FAM184A: variants seen among roughly 807,000 people sequenced by gnomAD.
The protein encoded by FAM184A is protein FAM184A.
FAM184A carries 99 observed loss-of-function variants against 143.8 expected under a neutral mutation model. The observed-to-expected ratio is 0.69, with a 90% CI of 0.58 to 0.81. The LOEUF (loss-of-function observed/expected upper bound fraction) is 0.81. FAM184A is among the 40% of genes least tolerant of loss of function. The probability of loss-of-function intolerance (pLI) is 0.00; values close to 1 mark genes in which losing one functional copy is unlikely to be tolerated. For missense variants in FAM184A, 1,217 were observed against 1,310.5 expected (o/e 0.93, Z 1.10); for synonymous variants, 427 against 446.4 (o/e 0.96, Z 0.55).
At chr6:119,083,033 A>G (rs574538796), upstream of FAM184A, among the ~76,000 whole-genome samples, 4 of 152,366 alleles carry the variant, frequency 2.6e-5, no homozygotes, top group East Asian at 1.9e-4. Context: ...TCAAACGTCA[A>G]TTCTTAACTT....
chr6:118,989,241 C>T (rs1332697068), intron 9 of FAM184A, among the ~76,000 whole-genome samples: 3 of 151,524 alleles, frequency 2.0e-5, no homozygotes, highest in South Asian at 2.1e-4. Flanking sequence ...GGATTACAGG[C>T]GTGAGCCACC....
chr6:118,964,516 T>C (rs183832304), intron 16 of FAM184A, 151 bp downstream of exon 16: 3 of 452,510 alleles, frequency 6.6e-6, no homozygotes, highest in African/African-American at 4.0e-5. Context: ...AATGAACATA[T>C]AAATAATTCA....
chr6:119,012,681 G>A (rs1288346677), intron 5 of FAM184A, among the ~76,000 whole-genome samples: 1 of 152,206 alleles, frequency 6.6e-6, no homozygotes, highest in Non-Finnish European at 1.5e-5. Flanking sequence ...ATTCCCAGAA[G>A]GAAAGCAGGT....
chr6:119,078,186 C>A lies in FAM184A; in HGVS notation c.114G>T (p.Gln38His). The A allele has an allele frequency of 5.0e-6, 8 of 1,590,120 alleles. No homozygotes were observed. Among genetic ancestry groups the A allele is most frequent in the Non-Finnish European group, 6.0e-6 (7 of 1,170,358 alleles). The change falls in exon 1 of 18, where the codon CAG (glutamine) becomes CAT (histidine). Residue 38 changes from glutamine to histidine, a missense_variant. Physicochemically the swap from Gln to His is conservative, Grantham distance 24. Coordinates refer to ENST00000338891, the MANE Select transcript of FAM184A (RefSeq NM_024581.6). This position sits in a 1 kb window ranked among gnomAD's most constrained non-coding sequence, Gnocchi z 5.5. ...TCTTGCTCATTTTCAGGTGCATCTC[C>A]TGGCTGTAGTCCATGCTGTGCCCAG... is the stretch of plus-strand genomic sequence containing the variant. ...QLAGHSMDYS[Q>H]EMHLKMSKKI...
At chr6:119,090,745 A>T (rs1788343174) in intron 1 of FAM184A, among the ~76,000 whole-genome samples, 1 of 151,910 alleles carries the variant, frequency 6.6e-6, no homozygotes, top group Admixed American at 6.6e-5. Flanking sequence ...CCCATTCCAG[A>T]TTTTTTTTAC....
intron 3 of FAM184A, 97 bp downstream of exon 3, chr6:119,022,848 G>T: frequency 6.8e-7 from 1 of 1,469,244 alleles, no homozygotes; most frequent in Non-Finnish European, 9.3e-7. Context: ...CTGCACTCCC[G>T]TCTGGGCGAC....
At chr6:119,073,304 T>C (rs893145831) in intron 1 of FAM184A, among the ~76,000 whole-genome samples, 8 of 152,206 alleles carry the variant, frequency 5.3e-5, no homozygotes, top group African/African-American at 1.9e-4. Flanking sequence ...GAACTTACAC[T>C]GTACCATATA....
At chr6:119,004,412 A>C (rs1343326076) in intron 7 of FAM184A, among the ~76,000 whole-genome samples, 2 of 152,258 alleles carry the variant, frequency 1.3e-5, no homozygotes, top group Admixed American at 6.5e-5. Context: ...AAAACAAGCC[A>C]ATGTTGAAAT....
chr6:118,982,380 T>C (rs1355813123), intron 9 of FAM184A, among the ~76,000 whole-genome samples: 1 of 152,202 alleles, frequency 6.6e-6, no homozygotes, highest in African/African-American at 2.4e-5. Flanking sequence ...ACTGCCTTTT[T>C]TGTTTCTGAG....
intron 5 of FAM184A, among the ~76,000 whole-genome samples, chr6:119,016,050 T>C (rs9387626): frequency 0.36 from 54,374 of 151,516 alleles, 10,479 homozygotes; most frequent in East Asian, 0.68. Context: ...AGTGCACCAA[T>C]TGACACTCTG....
intron 1 of FAM184A, among the ~76,000 whole-genome samples, chr6:119,050,461 T>A (rs1327900894): frequency 1.3e-4 from 19 of 151,242 alleles, no homozygotes; most frequent in Admixed American, 4.6e-4. Flanking sequence ...GGTTTTTTTT[T>A]TAAAAAAAGG....
chr6:119,030,702 G>A (rs923325031), intron 1 of FAM184A, among the ~76,000 whole-genome samples: 3 of 151,724 alleles, frequency 2.0e-5, no homozygotes, highest in Admixed American at 6.6e-5. Context: ...GAGAGGGTGA[G>A]ACTAATTTTA....
intron 1 of FAM184A, among the ~76,000 whole-genome samples, chr6:119,041,544 A>G (rs1427205487): frequency 6.6e-6 from 1 of 152,144 alleles, no homozygotes; most frequent in Non-Finnish European, 1.5e-5. Context: ...GGCAACCGCT[A>G]CCCTCTTTGG....
chr6:119,107,984 T>G (rs910539975), intron 1 of FAM184A, among the ~76,000 whole-genome samples: 1 of 152,144 alleles, frequency 6.6e-6, no homozygotes, highest in Non-Finnish European at 1.5e-5. Context: ...TGAATTGGAA[T>G]AAAAGGTTAA....
At position 119,024,817 on chromosome 6, in the gene FAM184A, C is replaced by T. The variant is rs976502057; in HGVS notation, c.160-4G>A. On this transcript the variant is annotated splice_region_variant and splice_polypyrimidine_tract_variant and intron_variant, in intron 1 of 17. Coordinates refer to ENST00000338891, the MANE Select transcript of FAM184A (RefSeq NM_024581.6). Reference sequence around the variant, plus strand: ...TAGTGTTTAAAGCATATATTACCTGCATGGTTTTGAATAAGAAGGGAGAAG... The same window carrying T: ...TAGTGTTTAAAGCATATATTACCTGTATGGTTTTGAATAAGAAGGGAGAAG... 6.3e-7 allele frequency: 1 copy of T among 1,577,850 alleles called. No homozygotes were observed. The highest frequency in any genetic ancestry group is 1.2e-5 in the South Asian group (1 of 84,574).
At chr6:119,147,404 A>C in intron 1 of FAM184A, among the ~76,000 whole-genome samples, 1 of 151,464 alleles carries the variant, frequency 6.6e-6, no homozygotes, top group African/African-American at 2.4e-5. Context: ...GCCAATTCCA[A>C]CTCCTCATTG....
Position 119,024,688 on chromosome 6 carries a change from T to C in FAM184A, c.285A>G (p.Lys95=). The C allele has an allele frequency of 2.5e-6, 4 of 1,614,096 alleles. No homozygotes were observed. The highest frequency in any genetic ancestry group is 3.4e-6 in the Non-Finnish European group (4 of 1,180,020). ...GGTCTAGCTCCTCTGTTACTTTGCTTTTATACTGCAATATTTTTTCTCTTG... is the reference window on the plus strand; with the variant it reads ...GGTCTAGCTCCTCTGTTACTTTGCTCTTATACTGCAATATTTTTTCTCTTG... The part of the protein sequence containing the change: ...AETREKILQY[K]SKVTEELDLR... Residue 95 remains lysine, a synonymous_variant, in exon 2 of 18, where the codon AAA becomes AAG. Coordinates refer to ENST00000338891, the MANE Select transcript of FAM184A (RefSeq NM_024581.6).
At chr6:119,011,113 G>C (rs1271214633) in intron 6 of FAM184A, 196 bp downstream of exon 6, 2 of 486,746 alleles carry the variant, frequency 4.1e-6, no homozygotes, top group Non-Finnish European at 7.1e-6. Context: ...TTAGTTTAAT[G>C]TTTTTGACAG....
intron 7 of FAM184A, chr6:119,005,226 C>A (rs964256280): frequency 6.6e-6 from 1 of 151,976 alleles, no homozygotes; most frequent in African/African-American, 2.4e-5. Context: ...CCAATTATTT[C>A]TTGTTATATA....
Sources: gnomAD v4.1 joint callset for allele counts (sites outside exome capture counted in the v4.1 genomes callset) on GRCh38, gnomAD v4.1.1 for gene constraint, Gnocchi (gnomAD v3.1) non-coding constraint, MANE v1.5 for transcripts, NCBI Gene and HGNC (gene_info 2026-07-23, HGNC 2026-07-21) for gene names.